Variants in GALNT13 observed in about 807,000 individuals in gnomAD.
GALNT13 encodes polypeptide N-acetylgalactosaminyltransferase 13.
GALNT13 carries 28 observed loss-of-function variants against 64.2 expected under a neutral mutation model. The ratio of observed to expected loss-of-function variants is 0.44; its 90% confidence interval spans 0.32 to 0.60. The LOEUF is 0.60. GALNT13 is among the 20% of genes least tolerant of loss of function. The pLI is 0.05. For synonymous variants in GALNT13, 214 were observed against 224.6 expected, an observed-to-expected ratio of 0.95 and a Z score of 0.42; for missense variants, 577 against 669.8, an observed-to-expected ratio of 0.86 and a Z score of 1.53.
chr2:154,342,488 T>G (rs973995935), intron 9 of GALNT13, among the ~76,000 whole-genome samples: 54 of 152,072 alleles, frequency 3.6e-4, no homozygotes, highest in African/African-American at 1.1e-3. Context: ...TTGTTTTGTT[T>G]TTTTATGGCC....
chr2:153,192,404 G>A, the GALNT13 span, among the ~76,000 whole-genome samples: 9 of 152,074 alleles, frequency 5.9e-5, no homozygotes, highest in East Asian at 9.7e-4. Context: ...AGAGATACTC[G>A]ATTTCAATTT....
chr2:153,093,239 T>TG, the GALNT13 span, among the ~76,000 whole-genome samples: 416 of 142,708 alleles, frequency 2.9e-3, 12 homozygotes, highest in Middle Eastern at 0.01. Flanking sequence ...TTCTTTTCTT[T>TG]TCTTTTTTTT....
At chr2:153,892,941 T>A (rs570143104) in intron 1 of GALNT13, among the ~76,000 whole-genome samples, 1 of 152,184 alleles carries the variant, frequency 6.6e-6, no homozygotes, top group African/African-American at 2.4e-5. Context: ...TCAGTGTGTA[T>A]CCAGAGTGGC....
At chr2:153,164,569 A>G in the GALNT13 span, among the ~76,000 whole-genome samples, 1 of 152,186 alleles carries the variant, frequency 6.6e-6, no homozygotes, top group African/African-American at 2.4e-5. Context: ...GGATATATGC[A>G]TACATCTGTG....
chr2:153,340,187 T>G, the GALNT13 span, among the ~76,000 whole-genome samples: 6 of 152,192 alleles, frequency 3.9e-5, no homozygotes, highest in Admixed American at 2.6e-4. Context: ...CTTTGGGTAG[T>G]ATAAACATTT....
chr2:153,788,509 A>G, the GALNT13 span, among the ~76,000 whole-genome samples: 1 of 152,144 alleles, frequency 6.6e-6, no homozygotes, highest in Non-Finnish European at 1.5e-5. Context: ...ACTTAAGTAC[A>G]CAGACCAGTG....
At chr2:153,238,276 T>G in the GALNT13 span, among the ~76,000 whole-genome samples, 1 of 152,096 alleles carries the variant, frequency 6.6e-6, no homozygotes, top group Non-Finnish European at 1.5e-5. Context: ...TCTAATTCTG[T>G]GGGTGGTTCT....
At chr2:154,095,353 A>G (rs1249364236) in intron 3 of GALNT13, among the ~76,000 whole-genome samples, 2 of 151,832 alleles carry the variant, frequency 1.3e-5, no homozygotes, top group Non-Finnish European at 2.9e-5. Flanking sequence ...ATAGAATAAT[A>G]TATGTTACTG....
At chr2:153,719,872 C>A in the GALNT13 span, among the ~76,000 whole-genome samples, 2 of 151,938 alleles carry the variant, frequency 1.3e-5, no homozygotes. Flanking sequence ...AAGGCGGCAG[C>A]GAGGCTGGGG....
the GALNT13 span, among the ~76,000 whole-genome samples, chr2:153,515,123 G>A: frequency 6.6e-6 from 1 of 152,154 alleles, no homozygotes; most frequent in Non-Finnish European, 1.5e-5. Context: ...GGATATTGTA[G>A]CCCAAATTGG....
chr2:153,871,891 G>A (rs533706710), upstream of GALNT13: 1 of 151,628 alleles, frequency 6.6e-6, no homozygotes, highest in Admixed American at 6.6e-5. Flanking sequence ...GGCGGGCTGG[G>A]GTGGGAGGGG....
the GALNT13 span, among the ~76,000 whole-genome samples, chr2:153,304,331 C>T: frequency 6.6e-6 from 1 of 151,956 alleles, no homozygotes; most frequent in Admixed American, 6.5e-5. Flanking sequence ...GCAGATTCCA[C>T]CTATAGATGA....
intron 9 of GALNT13, among the ~76,000 whole-genome samples, chr2:154,375,333 C>T (rs1697924471): frequency 1.3e-5 from 2 of 151,934 alleles, no homozygotes; most frequent in East Asian, 3.9e-4. Context: ...AGGACAGGCC[C>T]AAGATAAAAA....
At chr2:153,184,531 GC>G in the GALNT13 span, among the ~76,000 whole-genome samples, 3 of 152,100 alleles carry the variant, frequency 2.0e-5, no homozygotes, top group Non-Finnish European at 4.4e-5. Flanking sequence ...GTGAGAGAGG[GC>G]ATCCTTGTGC....
At chr2:153,085,874 CCA>C in the GALNT13 span, among the ~76,000 whole-genome samples, 1 of 152,118 alleles carries the variant, frequency 6.6e-6, no homozygotes, top group Non-Finnish European at 1.5e-5. Flanking sequence ...CCTAGGAAAG[CCA>C]CAGATACTCA....
intron 3 of GALNT13, among the ~76,000 whole-genome samples, chr2:154,068,307 T>G (rs1012941732): frequency 2.0e-5 from 3 of 151,886 alleles, no homozygotes; most frequent in Non-Finnish European, 4.4e-5. Flanking sequence ...ACTTTGAAGA[T>G]TCTTCAAAAT....
intron 9 of GALNT13, among the ~76,000 whole-genome samples, chr2:154,316,707 C>A (rs1409876505): frequency 1.3e-5 from 2 of 152,162 alleles, no homozygotes; most frequent in Non-Finnish European, 2.9e-5. Context: ...GCTCAGGTCT[C>A]TTTTCTTCTT....
the GALNT13 span, among the ~76,000 whole-genome samples, chr2:153,182,593 C>T: frequency 6.6e-6 from 1 of 152,118 alleles, no homozygotes; most frequent in Non-Finnish European, 1.5e-5. Flanking sequence ...TCCTGATGCT[C>T]CCTCTCAGCT....
intron 2 of GALNT13, among the ~76,000 whole-genome samples, chr2:153,917,378 AC>A (rs1402413648): frequency 6.6e-6 from 1 of 151,994 alleles, no homozygotes; most frequent in African/African-American, 2.4e-5. Flanking sequence ...AATATTTCTA[AC>A]CCCCAATAAC....
Sources: allele counts gnomAD v4.1 joint callset (sites outside exome capture counted in the v4.1 genomes callset), GRCh38; gene constraint gnomAD v4.1.1; transcripts MANE v1.5; gene names NCBI Gene and HGNC (gene_info 2026-07-23, HGNC 2026-07-21).